The following ACTG2 variants were observed in gnomAD, a reference collection of about 807,000 sequenced individuals.
ACTG2 encodes the protein actin gamma 2, smooth muscle, also known as actin, gamma-enteric smooth muscle.
Under a neutral mutation model 37.6 loss-of-function variants are expected in ACTG2, and 16 were observed. The observed-to-expected ratio is 0.43, with a 90% CI of 0.29 to 0.65. The LOEUF is 0.65. Among genes scored for constraint, ACTG2 ranks in the 30% least tolerant of loss-of-function variants. The pLI, the probability that ACTG2 is intolerant of heterozygous loss-of-function variation, is 0.18. For synonymous variants in ACTG2, 181 were observed against 179.9 expected (o/e 1.01, Z -0.05); for missense variants, 238 against 490.9 (o/e 0.48, Z 4.87).
intron 1 of ACTG2, among the ~76,000 whole-genome samples, chr2:73,894,153 G>GC (rs1272883862): frequency 6.6e-6 from 1 of 152,108 alleles, no homozygotes; most frequent in Non-Finnish European, 1.5e-5. Context: ...AACACAGATT[G>GC]CCCCATGCCC....
chr2:73,902,851 A>G, intron 3 of ACTG2: 2 of 1,361,042 alleles, frequency 1.5e-6, no homozygotes, highest in African/African-American at 1.4e-5. Context: ...CCGTCTTGGC[A>G]TTGGAGGACC....
chr2:73,902,379 G>A lies in ACTG2; in HGVS notation c.146G>A (p.Gly49Asp), dbSNP rs752084477. The A allele has an allele frequency of 6.8e-6, 11 of 1,613,804 alleles. No homozygotes were observed. In the African/African-American group the frequency reaches 1.5e-4, roughly 22 times the overall value. Reference protein sequence around the residue: ...PRHQGVMVGMGQKDSYVGDEA... With the variant: ...PRHQGVMVGMDQKDSYVGDEA... Reference sequence around the variant, plus strand: ...TTGCAGGGTGTGATGGTGGGAATGGGCCAGAAAGACAGCTATGTGGGGGAT... The same window carrying A: ...TTGCAGGGTGTGATGGTGGGAATGGACCAGAAAGACAGCTATGTGGGGGAT... Residue 49 changes from glycine to aspartate, a missense_variant, in exon 3 of 9, where the codon GGC becomes GAC. By Grantham distance (94) the Gly-to-Asp change is moderately conservative. Transcript: ENST00000345517.
At chr2:73,902,746 A>G (rs1164417480) in intron 3 of ACTG2, 1 of 1,550,848 alleles carries the variant, frequency 6.4e-7, no homozygotes. Flanking sequence ...CACTGCTGCA[A>G]AACTGATCTT....
intron 6 of ACTG2, among the ~76,000 whole-genome samples, chr2:73,914,064 C>T (rs764641816): frequency 6.6e-6 from 1 of 152,166 alleles, no homozygotes; most frequent in Non-Finnish European, 1.5e-5. Context: ...TAAGATCAAA[C>T]ATCTGAGTCT....
chr2:73,905,399 G>A (rs1679996083), intron 3 of ACTG2, among the ~76,000 whole-genome samples: 2 of 152,024 alleles, frequency 1.3e-5, no homozygotes, highest in South Asian at 4.1e-4. Flanking sequence ...ATAACAAATT[G>A]CAAAACAAAA....
At chr2:73,903,932 T>TC (rs1231449749) in intron 3 of ACTG2, among the ~76,000 whole-genome samples, 1 of 87,770 alleles carries the variant, frequency 1.1e-5, no homozygotes, top group Admixed American at 1.8e-4. Flanking sequence ...AGAGTGAGAC[T>TC]CCGTCTCAAA....
chr2:73,902,593 C>G, intron 3 of ACTG2, 105 bp downstream of exon 3: 1 of 1,560,484 alleles, frequency 6.4e-7, no homozygotes, highest in Non-Finnish European at 8.7e-7. Flanking sequence ...CTCTAAAATG[C>G]TTCTCACTTC....
intron 3 of ACTG2, chr2:73,903,073 G>T: frequency 4.6e-6 from 1 of 215,504 alleles, no homozygotes; most frequent in Non-Finnish European, 9.1e-6. Flanking sequence ...ACTCTCTCAG[G>T]GTTTCTAGAA....
In ACTG2 at chr2:73,913,479, C is replaced by G; in HGVS notation, c.452-6C>G. On this transcript the variant is annotated splice_region_variant and splice_polypyrimidine_tract_variant and intron_variant, in intron 5 of 8. Coordinates refer to ENST00000345517, the MANE Select transcript of ACTG2 (RefSeq NM_001615.4). ...ATTTTATAAGCCTGATCCTCTCTGT[C>G]CACAGGCATCGTCCTGGATTCAGGT... The G allele has an allele frequency of 6.3e-7, 1 of 1,598,504 alleles. No individual in the cohort carries two copies. The highest frequency in any genetic ancestry group is 8.6e-7 in the Non-Finnish European group (1 of 1,168,920).
chr2:73,901,265 C>G lies in ACTG2; in HGVS notation c.-36-11C>G, dbSNP rs1310484598. On this transcript the variant is annotated splice_polypyrimidine_tract_variant and intron_variant, in intron 1 of 8. Transcript: ENST00000345517. ...GTGGCTGACTAGTTCTCTTCTCCCG[C>G]AAATCCCAAGGTGCTCCAGTCCCCA... 1 of 1,503,362 alleles carries G rather than the reference C, an allele frequency of 6.7e-7. No homozygotes were observed. Among genetic ancestry groups the G allele is most frequent in the Non-Finnish European group, 8.9e-7 (1 of 1,120,106 alleles). 93.1% of individuals were successfully genotyped at this position (1,503,362 alleles called of 1,614,324 possible).
chr2:73,917,934 A>G (rs1202284133), intron 8 of ACTG2, among the ~76,000 whole-genome samples: 1 of 152,148 alleles, frequency 6.6e-6, no homozygotes, highest in Non-Finnish European at 1.5e-5. Context: ...ATTCTGGTCC[A>G]ACAAGTCTGA....
intron 2 of ACTG2, chr2:73,901,671 C>G (rs534506938): frequency 1.4e-4 from 98 of 683,288 alleles, no homozygotes; most frequent in Non-Finnish European, 1.9e-4. Flanking sequence ...ACTGATAGAG[C>G]AGGACCCTTT....
Position 73,919,649 on chromosome 2 carries a change from C to G in ACTG2, c.*74C>G. ...GTCATGAAACATTAAAACCTACAAG[C>G]CTTACTTCTCTGTGTGGGGCTCTTT... On this transcript the variant is annotated 3_prime_UTR_variant, in exon 9 of 9. Transcript: ENST00000345517. The G allele has an allele frequency of 1.0e-5, 16 of 1,524,432 alleles. No individual in the cohort carries two copies. Among genetic ancestry groups the G allele is most frequent in the Non-Finnish European group, 1.4e-5 (16 of 1,124,362 alleles). 94.4% of individuals were successfully genotyped at this position (1,524,432 alleles called of 1,614,324 possible).
chr2:73,894,160 G>A (rs1204730538), intron 1 of ACTG2, among the ~76,000 whole-genome samples: 1 of 152,156 alleles, frequency 6.6e-6, no homozygotes, highest in Non-Finnish European at 1.5e-5. Flanking sequence ...ATTGCCCCAT[G>A]CCCCACCCCA....
At chr2:73,903,117 C>A (rs769949757) in intron 3 of ACTG2, 1 of 169,584 alleles carries the variant, frequency 5.9e-6, no homozygotes, top group Non-Finnish European at 1.3e-5. Context: ...GTGGGGGGAG[C>A]GGGATTTTTA....
In ACTG2 at chr2:73,905,346, C is replaced by T. The variant is rs1031198285; in HGVS notation, c.255+2858C>T. 5.9e-5 allele frequency among the ~76,000 whole-genome samples: 9 copies of T among 152,098 alleles called. No individual in the cohort carries two copies. In the East Asian group the frequency reaches 7.7e-4, roughly 13 times the overall value. On this transcript the variant is annotated intron_variant, in intron 3 of 8. Transcript: ENST00000345517. ...TGACAAATTTGACTTCTTAAAAAAT[C>T]GTAACTTTTAATATCTCAAAAATAA...
chr2:73,909,650 A>G (rs1373701572), intron 5 of ACTG2, among the ~76,000 whole-genome samples: 1 of 152,200 alleles, frequency 6.6e-6, no homozygotes, highest in Non-Finnish European at 1.5e-5. Context: ...ATTTAACTAT[A>G]ATTAATACTG....
At chr2:73,904,763 G>GTACA (rs1679975340) in intron 3 of ACTG2, among the ~76,000 whole-genome samples, 2 of 58,362 alleles carry the variant, frequency 3.4e-5, no homozygotes, top group African/African-American at 1.6e-4. Context: ...GTGTGTGTGT[G>GTACA]TGTGTGTGTG....
rs1679862372 is a variant in ACTG2 at position 73,901,137 on chromosome 2, A to G, written c.-36-139A>G. On this transcript the variant is annotated intron_variant, in intron 1 of 8. Transcript: ENST00000345517. ...GAGGGAGGAGGCTCAACTGCCAGTG[A>G]GTGGGAGGCCAAGCCCATGCCTGTC... 4 of 612,916 alleles carry G rather than the reference A, an allele frequency of 6.5e-6. No individual in the cohort carries two copies. The South Asian group carries it at 1.4e-4, about 21-fold the overall frequency. The allele number at this position is 612,916 out of a possible 1,614,324, so 38.0% of individuals were successfully genotyped here.
Sources: allele counts gnomAD v4.1 joint callset (sites outside exome capture counted in the v4.1 genomes callset), GRCh38; gene constraint gnomAD v4.1.1; transcripts MANE v1.5; gene names NCBI Gene and HGNC (gene_info 2026-07-23, HGNC 2026-07-21).